RRP36: variants seen among roughly 807,000 people sequenced by gnomAD.
RRP36 encodes the protein ribosomal RNA processing 36, also known as ribosomal RNA processing protein 36 homolog.
In RRP36, 44 loss-of-function variants were observed where a neutral mutation model predicts 39.8. That is an observed-to-expected ratio of 1.10 (90% CI 0.87 to 1.42). RRP36 has a LOEUF of 1.42. Ranked by LOEUF, RRP36 falls within the 40% of genes most tolerant of loss-of-function variation. The pLI is 0.00. For synonymous variants in RRP36, 124 were observed against 123.1 expected, an observed-to-expected ratio of 1.01 and a Z score of -0.05; for missense variants, 316 against 322.4, an observed-to-expected ratio of 0.98 and a Z score of 0.15.
rs774747738 is a variant in RRP36, at chr6:43,021,632, C to T, written c.-23C>T. 3.5e-5 allele frequency: 45 copies of T among 1,283,770 alleles called. No homozygotes were observed. Among genetic ancestry groups the T allele is most frequent in the Non-Finnish European group, 3.7e-5 (38 of 1,014,528 alleles). 79.5% of individuals were successfully genotyped at this position (1,283,770 alleles called of 1,614,324 possible). A position where few individuals can be genotyped will look rare whatever the true frequency, so the allele number is the denominator to read the frequency against. ...CGTGAGCGGAAGCGGCGCCATTCGT[C>T]TTCCGAGCGCTACTGCCAGCTGATG... On this transcript the variant is annotated 5_prime_UTR_variant, in exon 1 of 7. Transcript: ENST00000244496.
At chr6:43,024,090 GTGAT>G (rs1330306721) in intron 1 of RRP36, among the ~76,000 whole-genome samples, 4 of 152,118 alleles carry the variant, frequency 2.6e-5, no homozygotes, top group African/African-American at 7.2e-5. Context: ...CTGACCTCAG[GTGAT>G]TGATCTGCCT....
At chr6:43,027,796 CACAA>C (rs1474936943) in intron 6 of RRP36, among the ~76,000 whole-genome samples, 12 of 130,954 alleles carry the variant, frequency 9.2e-5, no homozygotes, top group African/African-American at 2.9e-4. Context: ...CACACACACA[CACAA>C]ACACAGAGTC....
chr6:43,029,342 T>G lies in RRP36; in HGVS notation c.*114T>G, dbSNP rs1762872862. On this transcript the variant is annotated 3_prime_UTR_variant, in exon 7 of 7. Transcript: ENST00000244496. Reference sequence around the variant, plus strand: ...CAAGGATCACAGCTGCCCTTGAATCTCATTGCCTCAGAGAAGACTAGAGGG... The same window carrying G: ...CAAGGATCACAGCTGCCCTTGAATCGCATTGCCTCAGAGAAGACTAGAGGG... 1 of 1,249,344 alleles carries G rather than the reference T, an allele frequency of 8.0e-7. No homozygotes were observed. Among genetic ancestry groups the G allele is most frequent in the Non-Finnish European group, 1.1e-6 (1 of 886,510 alleles). 77.4% of individuals were successfully genotyped at this position (1,249,344 alleles called of 1,614,324 possible). A position where few individuals can be genotyped will look rare whatever the true frequency, so the allele number is the denominator to read the frequency against.
At chr6:43,022,632 C>CTT (rs34268212) in intron 1 of RRP36, among the ~76,000 whole-genome samples, 3,365 of 107,038 alleles carry the variant, frequency 0.031, 348 homozygotes, top group African/African-American at 0.12. Flanking sequence ...AAGGTCTCAC[C>CTT]TTTTTTTTTT....
At chr6:43,025,993 A>G in intron 3 of RRP36, 44 bp from the exon 4 acceptor site, 1 of 1,420,804 alleles carries the variant, frequency 7.0e-7, no homozygotes, top group East Asian at 2.3e-5. Context: ...CAGTGAAAGG[A>G]GATTGAACAG....
chr6:43,029,063 CACCA>C (rs1762867276), intron 6 of RRP36, 25 bp from the exon 7 acceptor site: 1 of 1,612,334 alleles, frequency 6.2e-7, no homozygotes, highest in East Asian at 2.2e-5. Context: ...CTTCTTTGTT[CACCA>C]ACTTTCATTC....
At chr6:43,024,747 C>T (rs1315231101) in intron 1 of RRP36, among the ~76,000 whole-genome samples, 1 of 152,148 alleles carries the variant, frequency 6.6e-6, no homozygotes, top group Non-Finnish European at 1.5e-5. Flanking sequence ...AAAGAAGGGA[C>T]TATGGTTTGG....
At chr6:43,023,926 G>A (rs752273116) in intron 1 of RRP36, among the ~76,000 whole-genome samples, 1 of 149,546 alleles carries the variant, frequency 6.7e-6, no homozygotes, top group Non-Finnish European at 1.5e-5. Flanking sequence ...ACGTGATCTC[G>A]GCTCACTGCA....
At chr6:43,025,924 CTG>C (rs1366469895) in intron 3 of RRP36, 111 bp from the exon 4 acceptor site, 72 of 700,024 alleles carry the variant, frequency 1.0e-4, no homozygotes, top group South Asian at 8.5e-4. Flanking sequence ...CAGAGCGAGA[CTG>C]TGTCTCAAAA....
Position 43,029,345 on chromosome 6 carries a change from T to C in RRP36, c.*117T>C. The C allele has an allele frequency of 8.1e-7, 1 of 1,228,044 alleles. No homozygotes were observed. Among genetic ancestry groups the C allele is most frequent in the Non-Finnish European group, 1.2e-6 (1 of 868,254 alleles). 76.1% of individuals were successfully genotyped at this position (1,228,044 alleles called of 1,614,324 possible). ...GGATCACAGCTGCCCTTGAATCTCA[T>C]TGCCTCAGAGAAGACTAGAGGGCTC... On this transcript the variant is annotated 3_prime_UTR_variant, in exon 7 of 7. Coordinates refer to ENST00000244496, the MANE Select transcript of RRP36 (RefSeq NM_033112.4).
intron 6 of RRP36, among the ~76,000 whole-genome samples, chr6:43,028,842 A>C (rs1242971674): frequency 6.6e-6 from 1 of 151,438 alleles, no homozygotes; most frequent in East Asian, 1.9e-4. Context: ...AATCCCAGCT[A>C]CTCCGGAGGC....
intron 1 of RRP36, among the ~76,000 whole-genome samples, chr6:43,022,798 A>AT (rs1284316450): frequency 6.6e-6 from 1 of 151,396 alleles, no homozygotes; most frequent in Admixed American, 6.6e-5. Context: ...CGCCCGGCTA[A>AT]TTTTTTGTAT....
intron 6 of RRP36, 129 bp downstream of exon 6, chr6:43,027,606 G>T (rs1762837648): frequency 1.3e-6 from 1 of 747,480 alleles, no homozygotes; most frequent in East Asian, 2.5e-5. Context: ...TAACTTGGAG[G>T]AAAGTAGAAA....
rs1453678941 is a variant in RRP36, at chr6:43,024,976, C to T, written c.131-9C>T. ...GAGCTGAGTTGTATGTCCCTCCCCA[C>T]TTCCACAGGCACATCTAACATGTCA... On this transcript the variant is annotated splice_polypyrimidine_tract_variant and intron_variant, in intron 1 of 6. Transcript: ENST00000244496. 6.2e-7 allele frequency: 1 copy of T among 1,613,468 alleles called. No homozygotes were observed. Among genetic ancestry groups the T allele is most frequent in the Non-Finnish European group, 8.5e-7 (1 of 1,180,018 alleles).
At chr6:43,022,647 T>TC (rs1433728486) in intron 1 of RRP36, among the ~76,000 whole-genome samples, 1 of 148,660 alleles carries the variant, frequency 6.7e-6, no homozygotes, top group African/African-American at 2.5e-5. Context: ...TTTTTTTTTT[T>TC]TTTTTGACGG....
At chr6:43,023,380 C>T (rs747850022) in intron 1 of RRP36, among the ~76,000 whole-genome samples, 1 of 148,124 alleles carries the variant, frequency 6.8e-6, no homozygotes. Flanking sequence ...GCCTGGGCAA[C>T]AGAGCAAGAC....
At chr6:43,024,272 C>G (rs1378826666) in intron 1 of RRP36, among the ~76,000 whole-genome samples, 1 of 151,864 alleles carries the variant, frequency 6.6e-6, no homozygotes, top group Middle Eastern at 3.2e-3. Flanking sequence ...GGGAAGTGTA[C>G]CAAGCAGAGG....
In RRP36 at chr6:43,025,142, G is replaced by C; in HGVS notation, c.278+10G>C. Reference sequence around the variant, plus strand: ...TTGCAGATAAGCACAGGTAAGCAAGGCTTGCCCTAGAAGTTGGAAGATAAC... The same window carrying C: ...TTGCAGATAAGCACAGGTAAGCAAGCCTTGCCCTAGAAGTTGGAAGATAAC... On this transcript the variant is annotated intron_variant, in intron 2 of 6. Coordinates refer to ENST00000244496, the MANE Select transcript of RRP36 (RefSeq NM_033112.4). 6.2e-7 allele frequency: 1 copy of C among 1,613,998 alleles called. No individual in the cohort carries two copies. The highest frequency in any genetic ancestry group is 1.1e-5 in the South Asian group (1 of 91,076).
chr6:43,027,316 T>C, intron 5 of RRP36, 44 bp from the exon 6 acceptor site: 1 of 1,612,564 alleles, frequency 6.2e-7, no homozygotes, highest in Non-Finnish European at 8.5e-7. Context: ...TTCACAGATC[T>C]GAACAGATCC....
Sources: gnomAD v4.1 joint callset for allele counts (sites outside exome capture counted in the v4.1 genomes callset) on GRCh38, gnomAD v4.1.1 for gene constraint, MANE v1.5 for transcripts, NCBI Gene and HGNC (gene_info 2026-07-23, HGNC 2026-07-21) for gene names.